WAC: variants seen among roughly 807,000 people sequenced by gnomAD.
WAC encodes WW domain-containing adapter protein with coiled-coil.
A neutral mutation model predicts 79.6 loss-of-function variants in WAC; 11 were observed. The observed-to-expected ratio is 0.14, with a 90% CI of 0.09 to 0.23. The LOEUF (loss-of-function observed/expected upper bound fraction) is 0.23, where lower values mean the gene tolerates loss of function less well. WAC is among the 10% of genes least tolerant of loss of function. The pLI is 1.00. For missense variants in WAC, 728 were observed against 773.5 expected (o/e 0.94, Z 0.70); for synonymous variants, 304 against 276.9 (o/e 1.10, Z -0.97).
intron 3 of WAC, among the ~76,000 whole-genome samples, chr10:28,576,811 G>GT (rs906096931): frequency 6.6e-6 from 1 of 152,082 alleles, no homozygotes; most frequent in African/African-American, 2.4e-5. Context: ...GCAGTTTTAA[G>GT]TTTTTTAGTA....
rs1315327508 is a variant in WAC at position 28,622,440 on chromosome 10, C to CT, written c.*2834_*2835insT. 2.2e-5 allele frequency: 1 copy of CT among 45,208 alleles called. No homozygotes were observed. The highest frequency in any genetic ancestry group is 7.9e-5 in the Non-Finnish European group (1 of 12,588). 2.8% of individuals were successfully genotyped at this position (45,208 alleles called of 1,614,324 possible). A position where few individuals can be genotyped will look rare whatever the true frequency, so the allele number is the denominator to read the frequency against. ...CCCTCCCCCTGCCCCCCCCCCCCCC[C>CT]CCCCGTTTTAAAAGATCAGTAGTCT... is the stretch of plus-strand genomic sequence containing the variant. On this transcript the variant is annotated 3_prime_UTR_variant, in exon 14 of 14. Coordinates refer to ENST00000354911, the MANE Select transcript of WAC (RefSeq NM_016628.5).
At chr10:28,556,243 A>C (rs1210269322) in intron 3 of WAC, among the ~76,000 whole-genome samples, 1 of 152,094 alleles carries the variant, frequency 6.6e-6, no homozygotes, top group Admixed American at 6.6e-5. Context: ...TTTTTTCCAT[A>C]ATAGCCATCC....
At position 28,535,557 on chromosome 10, in the gene WAC, T is replaced by C; in HGVS notation, c.79-5T>C. On this transcript the variant is annotated splice_polypyrimidine_tract_variant and splice_region_variant and intron_variant, in intron 2 of 13. Coordinates refer to ENST00000354911, the MANE Select transcript of WAC (RefSeq NM_016628.5). Reference sequence around the variant, plus strand: ...CTCTTTTTTTGGGGGGGTGATGTTTTACAGGCACTTAAGTATTCATCGAAG... The same window carrying C: ...CTCTTTTTTTGGGGGGGTGATGTTTCACAGGCACTTAAGTATTCATCGAAG... 1 of 1,572,684 alleles carries C rather than the reference T, an allele frequency of 6.4e-7. No homozygotes were observed. Among genetic ancestry groups the C allele is most frequent in the Non-Finnish European group, 8.6e-7 (1 of 1,156,838 alleles).
intron 3 of WAC, among the ~76,000 whole-genome samples, chr10:28,561,123 C>G (rs1838279816): frequency 6.6e-6 from 1 of 152,172 alleles, no homozygotes; most frequent in Admixed American, 6.5e-5. Flanking sequence ...AAATCTGCAA[C>G]CTAGAGGGCA....
intron 4 of WAC, among the ~76,000 whole-genome samples, chr10:28,585,193 AT>A (rs1378737924): frequency 6.6e-6 from 1 of 152,224 alleles, no homozygotes; most frequent in Non-Finnish European, 1.5e-5. Context: ...ACTCAAGGCT[AT>A]TGAACAACCG....
chr10:28,614,511 G>C (rs550335305), intron 10 of WAC, 56 bp from the exon 11 acceptor site: 12 of 1,343,846 alleles, frequency 8.9e-6, no homozygotes, highest in East Asian at 4.6e-5. Context: ...CTAGATTTTG[G>C]GGGGAGAGAT....
chr10:28,599,626 T>C (rs577916600), intron 7 of WAC, among the ~76,000 whole-genome samples: 1 of 152,312 alleles, frequency 6.6e-6, no homozygotes, highest in Admixed American at 6.5e-5. Context: ...GTGTTGTGCA[T>C]CTGATTAAAG....
At position 28,616,370 on chromosome 10, in the gene WAC, A is replaced by G; in HGVS notation, c.1746+8A>G. ...GATCATGCAGAGAAGCAGGTATGTT[A>G]TGTACAGCCTAGATTTTACCTTTGG... On this transcript the variant is annotated splice_region_variant and intron_variant, in intron 12 of 13. Transcript: ENST00000354911. 1.9e-6 allele frequency: 3 copies of G among 1,587,002 alleles called. No homozygotes were observed. Among genetic ancestry groups the G allele is most frequent in the Non-Finnish European group, 2.6e-6 (3 of 1,163,244 alleles).
intron 10 of WAC, among the ~76,000 whole-genome samples, 147 bp from the exon 11 acceptor site, chr10:28,614,391 CCCTAGTTTGATAGGGAAGTAATTTTATGA>C (rs1267755121): frequency 3.3e-5 from 5 of 152,232 alleles, no homozygotes; most frequent in African/African-American, 1.2e-4. Context: ...CCGCGCCCAG[CCCTAGTTTGATAGGGAAGTAATTTTATGA>C]CCTTGGGCCA....
In WAC at chr10:28,620,108, T is replaced by G. The variant is rs1285590763; in HGVS notation, c.*502T>G. On this transcript the variant is annotated 3_prime_UTR_variant, in exon 14 of 14. Transcript: ENST00000354911. ...GTGTACAAAATATGAAACAACTGTT[T>G]CCACACTTGCACCTGATCAAGAGCA... is the stretch of plus-strand genomic sequence containing the variant. 6.5e-6 allele frequency: 1 copy of G among 152,682 alleles called. No homozygotes were observed. Among genetic ancestry groups the G allele is most frequent in the Non-Finnish European group, 1.5e-5 (1 of 68,074 alleles). The allele number at this position is 152,682 out of a possible 1,614,324, so 9.5% of individuals were successfully genotyped here.
chr10:28,556,993 A>G (rs947384384), intron 3 of WAC, among the ~76,000 whole-genome samples: 6 of 150,892 alleles, frequency 4.0e-5, no homozygotes, highest in Non-Finnish European at 7.4e-5. Context: ...GAATTGTGAT[A>G]CCTCCAGCTT....
intron 4 of WAC, among the ~76,000 whole-genome samples, chr10:28,588,341 G>C (rs1839924728): frequency 6.6e-6 from 1 of 152,162 alleles, no homozygotes; most frequent in South Asian, 2.1e-4. Flanking sequence ...GCGCAGGGCT[G>C]CTTTGCCACC....
intron 2 of WAC, 133 bp downstream of exon 2, chr10:28,534,167 C>T (rs1345620310): frequency 2.3e-6 from 2 of 880,912 alleles, no homozygotes; most frequent in African/African-American, 1.8e-5. Context: ...CACCGCGGAT[C>T]CCCTTAAAAT....
At chr10:28,542,054 C>G (rs369472893) in intron 3 of WAC, among the ~76,000 whole-genome samples, 2 of 152,154 alleles carry the variant, frequency 1.3e-5, no homozygotes, top group Admixed American at 1.3e-4. Flanking sequence ...TCAGCCTCTT[C>G]TACTATCTTC....
intron 4 of WAC, 73 bp from the exon 5 acceptor site, chr10:28,589,663 C>T: frequency 1.0e-6 from 1 of 975,272 alleles, no homozygotes; most frequent in South Asian, 1.6e-5. Context: ...TGTATGTGTG[C>T]TTTGATGTTG....
At chr10:28,611,480 T>G in intron 9 of WAC, 1 of 1,360,280 alleles carries the variant, frequency 7.4e-7, no homozygotes, top group Non-Finnish European at 9.6e-7. Flanking sequence ...GAAATAAGGA[T>G]GGTGAGGAGG....
At chr10:28,574,479 G>A (rs1839142686) in intron 3 of WAC, among the ~76,000 whole-genome samples, 1 of 152,038 alleles carries the variant, frequency 6.6e-6, no homozygotes, top group Non-Finnish European at 1.5e-5. Context: ...GTCTCATTCT[G>A]TTGCCCAGGC....
At chr10:28,591,268 C>G (rs1840069834) in intron 6 of WAC, 1 of 163,328 alleles carries the variant, frequency 6.1e-6, no homozygotes, top group Non-Finnish European at 1.3e-5. Context: ...TTTATGTTAC[C>G]AGTGAGTAAC....
chr10:28,567,892 C>G (rs1197651320), intron 3 of WAC, among the ~76,000 whole-genome samples: 3 of 152,068 alleles, frequency 2.0e-5, no homozygotes, highest in African/African-American at 7.2e-5. Flanking sequence ...GTAGCTGAGA[C>G]TAAAGGCAGG....
Sources: allele counts gnomAD v4.1 joint callset (sites outside exome capture counted in the v4.1 genomes callset), GRCh38; gene constraint gnomAD v4.1.1; transcripts MANE v1.5; gene names NCBI Gene and HGNC (gene_info 2026-07-23, HGNC 2026-07-21).